The following CATSPERE variants were observed in gnomAD, a reference collection of about 807,000 sequenced individuals.
CATSPERE encodes the protein cation channel sperm-associated auxiliary subunit epsilon.
CATSPERE carries 93 observed loss-of-function variants against 114.1 expected under a neutral mutation model. That is an observed-to-expected ratio of 0.81 (90% CI 0.69 to 0.97). The LOEUF (loss-of-function observed/expected upper bound fraction) is 0.97. Among genes scored for constraint, CATSPERE ranks in the 50% least tolerant of loss-of-function variants. The pLI is 0.00. For missense variants in CATSPERE, 1,058 were observed against 1,131.6 expected (o/e 0.93, Z 0.93); for synonymous variants, 341 against 384.1 (o/e 0.89, Z 1.31).
Position 244,624,192 on chromosome 1 carries a change from C to T in CATSPERE, c.2648+6506C>T, listed in dbSNP as rs563509362. 7.6e-5 allele frequency among the ~76,000 whole-genome samples: 11 copies of T among 143,914 alleles called. No individual in the cohort carries two copies. In the East Asian group the frequency reaches 2.3e-3, roughly 29 times the overall value. The allele number at this position is 143,914 out of a possible 152,430, so 94.4% of individuals were successfully genotyped here. ...TTCACCGTGTTAGCCAGGATGGTCT[C>T]AATCTCCTGACCTCGTGATCCGCCC... On this transcript the variant is annotated intron_variant, in intron 20 of 21. Coordinates refer to ENST00000366534, the MANE Select transcript of CATSPERE (RefSeq NM_001130957.2).
At chr1:244,614,814 A>G (rs1447547253) in intron 19 of CATSPERE, among the ~76,000 whole-genome samples, 1 of 151,978 alleles carries the variant, frequency 6.6e-6, no homozygotes, top group Non-Finnish European at 1.5e-5. Context: ...TTTAAAATTA[A>G]TTTTTTTATT....
Position 244,477,894 on chromosome 1 carries a change from T to A in CATSPERE, c.189-12T>A. 1 of 1,594,128 alleles carries A rather than the reference T, an allele frequency of 6.3e-7. No homozygotes were observed. The highest frequency in any genetic ancestry group is 8.6e-7 in the Non-Finnish European group (1 of 1,164,454). On this transcript the variant is annotated splice_polypyrimidine_tract_variant and intron_variant, in intron 3 of 21. Transcript: ENST00000366534. ...ACCTATAATTATTCTTTCTCATCTT[T>A]TTAAACACTAGCTCACCCACGACAG...
intron 1 of CATSPERE, 75 bp downstream of exon 1, chr1:244,461,569 C>T (rs1666794660): frequency 1.7e-6 from 2 of 1,197,324 alleles, no homozygotes; most frequent in South Asian, 3.6e-5. Flanking sequence ...GGGTCCTGCT[C>T]TCCACCCCAT....
Position 244,496,465 on chromosome 1 carries a change from CAT to C in CATSPERE, c.352-2536_352-2535del, listed in dbSNP as rs112893432. On this transcript the variant is annotated intron_variant, in intron 6 of 21. Transcript: ENST00000366534. The stretch of plus-strand genomic sequence containing the variant: ...GGTGAAACCAGTTGAACTTTTGACT[CAT>C]GTGTGAGCTGGTGTATCTGATTTGA... Among the ~76,000 whole-genome samples the C allele has an allele frequency of 1.2e-3, 185 of 152,238 alleles. 3 individuals carry two copies. The highest frequency in any genetic ancestry group is 3.5e-3 in the African/African-American group (145 of 41,562).
chr1:244,552,109 G>C (rs3003218), intron 8 of CATSPERE, among the ~76,000 whole-genome samples: 127,621 of 146,744 alleles, frequency 0.87, 56,476 homozygotes, highest in East Asian at 1. Context: ...TGAGAATACA[G>C]AGACAGAAAC....
chr1:244,511,582 G>GT (rs1675768051), intron 7 of CATSPERE, among the ~76,000 whole-genome samples: 1 of 151,910 alleles, frequency 6.6e-6, no homozygotes, highest in Non-Finnish European at 1.5e-5. Context: ...CAGTTTGGTG[G>GT]TTTTCTGTAG....
At chr1:244,608,649 T>C (rs1670314812) in intron 18 of CATSPERE, among the ~76,000 whole-genome samples, 1 of 152,090 alleles carries the variant, frequency 6.6e-6, no homozygotes, top group Non-Finnish European at 1.5e-5. Flanking sequence ...CTACTTTGTC[T>C]CACACAACCT....
intron 19 of CATSPERE, among the ~76,000 whole-genome samples, chr1:244,612,091 C>T (rs567108830): frequency 6.6e-6 from 1 of 152,090 alleles, no homozygotes; most frequent in East Asian, 1.9e-4. Context: ...GGAGTGCCCA[C>T]GCCAGGCCCT....
intron 21 of CATSPERE, among the ~76,000 whole-genome samples, chr1:244,638,781 C>T (rs1674970012): frequency 6.6e-6 from 1 of 152,216 alleles, no homozygotes; most frequent in Admixed American, 6.5e-5. Flanking sequence ...TCAAACCCCA[C>T]ATCTTAATAA....
chr1:244,557,583 A>ATATATATATATATATAT (rs59833011), intron 9 of CATSPERE, among the ~76,000 whole-genome samples: 9 of 103,490 alleles, frequency 8.7e-5, no homozygotes, highest in South Asian at 3.1e-4. Context: ...ATATATATAT[A>ATATATATATATATATAT]AAATCTCCCA....
chr1:244,521,483 TA>T (rs1677556026), intron 8 of CATSPERE, among the ~76,000 whole-genome samples: 1 of 152,198 alleles, frequency 6.6e-6, no homozygotes, highest in Non-Finnish European at 1.5e-5. Context: ...ATTACATTAA[TA>T]GCTTAAAGGA....
Position 244,639,920 on chromosome 1 carries a change from G to A in CATSPERE, c.2703-8G>A. On this transcript the variant is annotated splice_region_variant and splice_polypyrimidine_tract_variant and intron_variant, in intron 21 of 21. Coordinates refer to ENST00000366534, the MANE Select transcript of CATSPERE (RefSeq NM_001130957.2). Reference sequence around the variant, plus strand: ...TCTAATGCCTTTTTTTTTTTTTTCTGATTTCAGTCCAAGTGTCTACCTGGT... The same window carrying A: ...TCTAATGCCTTTTTTTTTTTTTTCTAATTTCAGTCCAAGTGTCTACCTGGT... The A allele has an allele frequency of 3.4e-6, 5 of 1,471,928 alleles. No individual in the cohort carries two copies. Among genetic ancestry groups the A allele is most frequent in the Non-Finnish European group, 3.6e-6 (4 of 1,112,210 alleles). The allele number at this position is 1,471,928 out of a possible 1,614,324, so 91.2% of individuals were successfully genotyped here.
At chr1:244,574,191 C>T (rs185601571) in intron 11 of CATSPERE, among the ~76,000 whole-genome samples, 9 of 152,102 alleles carry the variant, frequency 5.9e-5, no homozygotes, top group East Asian at 1.9e-4. Context: ...AGGTTGCTTA[C>T]GAAAAGACTT....
rs1666715826 is a variant in CATSPERE at position 244,461,324 on chromosome 1, CG to C, written c.-103del. On this transcript the variant is annotated 5_prime_UTR_variant, in exon 1 of 22. Coordinates refer to ENST00000366534, the MANE Select transcript of CATSPERE (RefSeq NM_001130957.2). ...CCCGGCCCGCCCTGTCCAGAGGCGC[CG>C]GGACCCAGGCGCCTGCAGCCGCCCG... 10 of 999,602 alleles carry C rather than the reference CG, an allele frequency of 1.0e-5. No individual in the cohort carries two copies. The highest frequency in any genetic ancestry group is 4.3e-5 in the Admixed American group (1 of 23,472). The allele number at this position is 999,602 out of a possible 1,614,324, so 61.9% of individuals were successfully genotyped here. A position where few individuals can be genotyped will look rare whatever the true frequency, so the allele number is the denominator to read the frequency against.
intron 10 of CATSPERE, among the ~76,000 whole-genome samples, chr1:244,562,082 G>A (rs1046105743): frequency 4.1e-5 from 6 of 146,756 alleles, no homozygotes; most frequent in African/African-American, 1.6e-4. Flanking sequence ...AGCCCGGGAG[G>A]TCAAGGCTGC....
intron 15 of CATSPERE, among the ~76,000 whole-genome samples, chr1:244,592,993 C>T (rs1307442803): frequency 6.6e-6 from 1 of 151,862 alleles, no homozygotes; most frequent in South Asian, 2.1e-4. Flanking sequence ...TAGGAAACAT[C>T]TGAAGTTTTA....
At chr1:244,625,946 T>C (rs1262818112) in intron 20 of CATSPERE, among the ~76,000 whole-genome samples, 1 of 151,802 alleles carries the variant, frequency 6.6e-6, no homozygotes, top group East Asian at 2.0e-4. Flanking sequence ...GTCTCAACAG[T>C]GGGCTTAAAA....
chr1:244,518,593 A>G lies in CATSPERE; in HGVS notation c.431A>G (p.Asn144Ser). The G allele has an allele frequency of 6.5e-7, 1 of 1,540,714 alleles. No homozygotes were observed. The highest frequency in any genetic ancestry group is 9.0e-7 in the Non-Finnish European group (1 of 1,116,408). ...ATGAAATTTAATTTGTTTTTACAGA[A>G]TTCCATAGTACTCAGCACACAGATG... is the stretch of plus-strand genomic sequence containing the variant. Reference protein sequence around the residue: ...LLGNAEEPSINSIVLSTQMAT... With the variant: ...LLGNAEEPSISSIVLSTQMAT... Residue 144 changes from asparagine to serine, a missense_variant and splice_region_variant, in exon 8 of 22, where the codon AAT becomes AGT. Transcript: ENST00000366534.
chr1:244,583,257 A>G (rs1489909398), intron 12 of CATSPERE, among the ~76,000 whole-genome samples: 6 of 152,084 alleles, frequency 3.9e-5, no homozygotes, highest in Non-Finnish European at 7.4e-5. Flanking sequence ...GTATAAATCA[A>G]ACTTTCACGT....
Sources: gnomAD v4.1 joint callset for allele counts (sites outside exome capture counted in the v4.1 genomes callset) on GRCh38, gnomAD v4.1.1 for gene constraint, MANE v1.5 for transcripts, NCBI Gene and HGNC (gene_info 2026-07-23, HGNC 2026-07-21) for gene names.